Variants in MALRD1 observed in about 807,000 individuals in gnomAD.
MALRD1 encodes the protein MAM and LDL receptor class A domain containing 1, also known as MAM and LDL-receptor class A domain-containing protein 1.
MALRD1 carries 247 observed loss-of-function variants against 242.1 expected under a neutral mutation model. The observed-to-expected ratio is 1.02, with a 90% CI of 0.92 to 1.13. The LOEUF is 1.13. Among genes scored for constraint, MALRD1 ranks in the 50% most tolerant of loss-of-function variants. The pLI, the probability that MALRD1 is intolerant of heterozygous loss-of-function variation, is 0.00. For missense variants in MALRD1, 2,989 were observed against 2,533.1 expected, an observed-to-expected ratio of 1.18 and a Z score of -3.86; for synonymous variants, 995 against 866.6, an observed-to-expected ratio of 1.15 and a Z score of -2.60.
At chr10:19,218,519 A>G (rs1164351130) in intron 18 of MALRD1, among the ~76,000 whole-genome samples, 4 of 152,144 alleles carry the variant, frequency 2.6e-5, no homozygotes, top group Non-Finnish European at 2.9e-5. Flanking sequence ...GGTTAATTTC[A>G]TGAAACATGG....
chr10:19,693,323 A>G (rs1175419326), intron 38 of MALRD1, among the ~76,000 whole-genome samples: 1 of 151,754 alleles, frequency 6.6e-6, no homozygotes, highest in Non-Finnish European at 1.5e-5. Flanking sequence ...TATCTAGAAA[A>G]CCCCATCGTC....
rs186601444 is a variant in MALRD1, at chr10:19,645,700, G to A, written c.6137+29777G>A. Among the ~76,000 whole-genome samples the A allele has an allele frequency of 9.3e-3, 1,415 of 152,184 alleles. 19 individuals carry two copies. The highest frequency in any genetic ancestry group is 0.032 in the African/African-American group (1,318 of 41,516). On this transcript the variant is annotated intron_variant, in intron 36 of 39. Coordinates refer to ENST00000454679, the MANE Select transcript of MALRD1 (RefSeq NM_001142308.3). ...CAATGAGAACACATGGACACAGGAA[G>A]GGGAACATCACACTCCAGGGACTGT...
chr10:19,323,737 T>TAGCTGGGATTACAGGCACACGCCACACTA (rs1842997837), intron 21 of MALRD1, among the ~76,000 whole-genome samples: 1 of 152,050 alleles, frequency 6.6e-6, no homozygotes, highest in Non-Finnish European at 1.5e-5. Context: ...GCCTCCTGAA[T>TAGCTGGGATTACAGGCACACGCCACACTA]AGCTGGGATT....
intron 21 of MALRD1, among the ~76,000 whole-genome samples, chr10:19,297,796 T>C (rs916286810): frequency 6.6e-6 from 1 of 151,808 alleles, no homozygotes; most frequent in South Asian, 2.1e-4. Flanking sequence ...AAGTATTCTA[T>C]GGGAACTGAA....
At chr10:19,123,324 T>TGTGA (rs368687001) in intron 5 of MALRD1, among the ~76,000 whole-genome samples, 168 bp from the exon 6 acceptor site, 1,926 of 150,834 alleles carry the variant, frequency 0.013, 13 homozygotes, top group Middle Eastern at 0.041. Context: ...TGTGTGTGTG[T>TGTGA]GAGAGAGAGA....
intron 29 of MALRD1, among the ~76,000 whole-genome samples, chr10:19,488,277 A>G (rs1589147557): frequency 6.6e-6 from 1 of 152,212 alleles, no homozygotes; most frequent in East Asian, 1.9e-4. Context: ...ACCAAGGTTT[A>G]TAAAGAGCCA....
intron 21 of MALRD1, among the ~76,000 whole-genome samples, chr10:19,295,730 A>G (rs980839907): frequency 2.6e-5 from 4 of 152,126 alleles, no homozygotes; most frequent in Non-Finnish European, 5.9e-5. Flanking sequence ...AAAGGAGGCT[A>G]TTTTGTTCAA....
intron 21 of MALRD1, among the ~76,000 whole-genome samples, chr10:19,316,168 G>A (rs1394930295): frequency 6.6e-6 from 1 of 150,408 alleles, no homozygotes; most frequent in Admixed American, 6.6e-5. Flanking sequence ...AAGGACAATT[G>A]CTCTGCAGGT....
intron 4 of MALRD1, among the ~76,000 whole-genome samples, chr10:19,091,673 T>C (rs1262759261): frequency 1.2e-5 from 1 of 82,664 alleles, no homozygotes; most frequent in Non-Finnish European, 2.3e-5. Flanking sequence ...TTCTTTTAAT[T>C]GTGATGTTAG....
intron 24 of MALRD1, among the ~76,000 whole-genome samples, chr10:19,343,755 C>T (rs775596144): frequency 1.1e-4 from 16 of 152,086 alleles, no homozygotes; most frequent in African/African-American, 3.4e-4. Flanking sequence ...TTTTCCAGAG[C>T]GATTGCATCG....
intron 36 of MALRD1, among the ~76,000 whole-genome samples, chr10:19,679,192 T>G (rs1842262958): frequency 6.6e-6 from 1 of 152,072 alleles, no homozygotes; most frequent in Non-Finnish European, 1.5e-5. Flanking sequence ...TAGGGAGGAG[T>G]CCTGCCTTGT....
At chr10:19,148,788 A>AATATAT (rs767384867) in intron 11 of MALRD1, among the ~76,000 whole-genome samples, 1,462 of 87,964 alleles carry the variant, frequency 0.017, 26 homozygotes, top group South Asian at 0.051. Flanking sequence ...AAAAAAAAAA[A>AATATAT]ATATATATAT....
At chr10:19,347,028 A>G (rs1844162393) in intron 24 of MALRD1, among the ~76,000 whole-genome samples, 1 of 152,184 alleles carries the variant, frequency 6.6e-6, no homozygotes, top group Non-Finnish European at 1.5e-5. Flanking sequence ...ATATAAATGT[A>G]TAAGGTATGA....
chr10:19,345,821 T>C (rs2130974878), intron 24 of MALRD1, among the ~76,000 whole-genome samples: 1 of 152,252 alleles, frequency 6.6e-6, no homozygotes, highest in South Asian at 2.1e-4. Context: ...TTTTTCTTTA[T>C]TGTACAAGTT....
chr10:19,548,936 CT>C (rs1469249844), intron 32 of MALRD1, among the ~76,000 whole-genome samples: 11 of 152,260 alleles, frequency 7.2e-5, no homozygotes, highest in African/African-American at 2.6e-4. Flanking sequence ...CTCCAAACAG[CT>C]AGTCAAGTTG....
chr10:19,539,897 TGCGCGCGCGC>T (rs1323112743), intron 32 of MALRD1, among the ~76,000 whole-genome samples: 38 of 44,396 alleles, frequency 8.6e-4, no homozygotes, highest in Non-Finnish European at 9.0e-4. Flanking sequence ...TGTGTGTGTG[TGCGCGCGCGC>T]GTGCGCGCAC....
intron 29 of MALRD1, among the ~76,000 whole-genome samples, chr10:19,481,056 T>C (rs1181081228): frequency 6.6e-6 from 1 of 152,222 alleles, no homozygotes; most frequent in Admixed American, 6.5e-5. Flanking sequence ...CAACCAAGTA[T>C]ACATACAGTT....
chr10:19,643,192 G>A (rs944286126), intron 36 of MALRD1, among the ~76,000 whole-genome samples: 1 of 152,106 alleles, frequency 6.6e-6, no homozygotes, highest in African/African-American at 2.4e-5. Context: ...AGCACTTTGG[G>A]AGGCGGAAGT....
intron 5 of MALRD1, among the ~76,000 whole-genome samples, chr10:19,122,680 T>A (rs1413960575): frequency 6.6e-6 from 1 of 152,054 alleles, no homozygotes; most frequent in Non-Finnish European, 1.5e-5. Context: ...CTAGTCTACC[T>A]TCAAGTCTTA....
Sources: allele counts gnomAD v4.1 joint callset (sites outside exome capture counted in the v4.1 genomes callset), GRCh38; gene constraint gnomAD v4.1.1; transcripts MANE v1.5; gene names NCBI Gene and HGNC (gene_info 2026-07-23, HGNC 2026-07-21).